GAS2: variants seen among roughly 807,000 people sequenced by gnomAD.
The protein encoded by GAS2 is growth arrest-specific protein 2.
A neutral mutation model predicts 37.5 loss-of-function variants in GAS2; 20 were observed. The ratio of observed to expected loss-of-function variants is 0.53; its 90% CI spans 0.37 to 0.77. The LOEUF (loss-of-function observed/expected upper bound fraction) is 0.77, where lower values mean the gene tolerates loss of function less well. Ranked by LOEUF, GAS2 falls within the 30% of genes least tolerant of loss-of-function variation. The pLI is 0.00. For synonymous variants in GAS2, 144 were observed against 132.2 expected, an observed-to-expected ratio of 1.09 and a Z score of -0.61; for missense variants, 336 against 373.4, an observed-to-expected ratio of 0.90 and a Z score of 0.82.
intron 3 of GAS2, among the ~76,000 whole-genome samples, chr11:22,715,204 T>C (rs1012630179): frequency 6.6e-6 from 1 of 152,064 alleles, no homozygotes; most frequent in Non-Finnish European, 1.5e-5. Flanking sequence ...GGCTTACACC[T>C]GTAATCCAGC....
intron 3 of GAS2, among the ~76,000 whole-genome samples, chr11:22,697,625 A>G (rs890737000): frequency 2.7e-4 from 41 of 152,084 alleles, no homozygotes; most frequent in African/African-American, 9.4e-4. Flanking sequence ...TTCATTGAGC[A>G]GTGGTTTGTA....
At chr11:22,738,338 A>G (rs1231850175) in intron 5 of GAS2, among the ~76,000 whole-genome samples, 1 of 152,198 alleles carries the variant, frequency 6.6e-6, no homozygotes, top group Non-Finnish European at 1.5e-5. Flanking sequence ...GGAAGGAAAA[A>G]CAAGAATTAA....
At chr11:22,688,008 C>A (rs750820140) in intron 3 of GAS2, among the ~76,000 whole-genome samples, 1 of 152,154 alleles carries the variant, frequency 6.6e-6, no homozygotes, top group Non-Finnish European at 1.5e-5. Flanking sequence ...TGTTTATAAG[C>A]CTTTGCTTTT....
intron 3 of GAS2, among the ~76,000 whole-genome samples, chr11:22,718,698 A>G (rs528691795): frequency 1.3e-5 from 2 of 152,054 alleles, no homozygotes; most frequent in African/African-American, 2.4e-5. Context: ...AAATCTTTCT[A>G]TTACTCCTCA....
chr11:22,791,039 A>G (rs1231586859), intron 7 of GAS2, among the ~76,000 whole-genome samples: 1 of 152,214 alleles, frequency 6.6e-6, no homozygotes, highest in African/African-American at 2.4e-5. Flanking sequence ...AATAGCTGCT[A>G]TCAGAGATCA....
At chr11:22,642,561 A>G (rs1271483358) in intron 1 of GAS2, among the ~76,000 whole-genome samples, 2 of 152,172 alleles carry the variant, frequency 1.3e-5, no homozygotes, top group African/African-American at 4.8e-5. Flanking sequence ...TAAGAAAATT[A>G]TAGAATGTAA....
At chr11:22,627,692 T>A (rs1241370293) in intron 1 of GAS2, among the ~76,000 whole-genome samples, 1 of 151,600 alleles carries the variant, frequency 6.6e-6, no homozygotes, top group Non-Finnish European at 1.5e-5. Context: ...GGAGAATAGC[T>A]TGAACCCGGG....
chr11:22,768,946 T>C (rs2134414816), intron 7 of GAS2, among the ~76,000 whole-genome samples: 1 of 152,342 alleles, frequency 6.6e-6, no homozygotes, highest in East Asian at 1.9e-4. Context: ...CATTAATTTG[T>C]CATCATCTAC....
intron 7 of GAS2, among the ~76,000 whole-genome samples, chr11:22,810,059 C>CA (rs919676833): frequency 3.2e-4 from 48 of 152,196 alleles, no homozygotes; most frequent in African/African-American, 1.1e-3. Context: ...CTGCTCACTG[C>CA]ATAGAACGCC....
intron 3 of GAS2, among the ~76,000 whole-genome samples, chr11:22,690,920 C>A (rs1850217425): frequency 6.6e-6 from 1 of 152,122 alleles, no homozygotes; most frequent in Non-Finnish European, 1.5e-5. Flanking sequence ...GCAAAAGACT[C>A]TCTCAACCAC....
intron 2 of GAS2, among the ~76,000 whole-genome samples, chr11:22,676,664 GTTA>G (rs1407682837): frequency 5.3e-5 from 8 of 151,934 alleles, no homozygotes; most frequent in Admixed American, 5.3e-4. Context: ...CTATATTGTT[GTTA>G]TTATTATTCT....
intron 7 of GAS2, among the ~76,000 whole-genome samples, chr11:22,805,386 C>T (rs919529352): frequency 6.6e-6 from 1 of 152,048 alleles, no homozygotes; most frequent in African/African-American, 2.4e-5. Context: ...TTAACATCCA[C>T]TCTTTTTGCA....
At chr11:22,674,222 T>A (rs1283439321) in intron 1 of GAS2, among the ~76,000 whole-genome samples, 21 of 152,224 alleles carry the variant, frequency 1.4e-4, no homozygotes, top group South Asian at 1.2e-3. Context: ...TTTATTTTTT[T>A]TTTTTATTTT....
chr11:22,808,613 TGGTGGTTCTTTCTG>T (rs1857002954), intron 7 of GAS2, among the ~76,000 whole-genome samples: 1 of 152,232 alleles, frequency 6.6e-6, no homozygotes. Context: ...CTGTTGTGAC[TGGTGGTTCTTTCTG>T]GTTGAAATGG....
At chr11:22,761,274 G>A (rs767577979) in intron 7 of GAS2, among the ~76,000 whole-genome samples, 2 of 152,104 alleles carry the variant, frequency 1.3e-5, no homozygotes, top group Non-Finnish European at 2.9e-5. Context: ...TTTTTAGTGA[G>A]AGGAAAATAA....
intron 1 of GAS2, among the ~76,000 whole-genome samples, chr11:22,641,184 G>T (rs913463328): frequency 3.6e-5 from 5 of 138,240 alleles, no homozygotes; most frequent in African/African-American, 1.3e-4. Flanking sequence ...AAGGTTCCAG[G>T]ATTCTGGTTC....
chr11:22,718,951 A>G (rs1404275487), intron 3 of GAS2, among the ~76,000 whole-genome samples: 1 of 152,108 alleles, frequency 6.6e-6, no homozygotes, highest in Non-Finnish European at 1.5e-5. Flanking sequence ...CAAACTTCCT[A>G]TACTTTCCCC....
intron 7 of GAS2, among the ~76,000 whole-genome samples, chr11:22,807,458 T>C (rs2134682168): frequency 6.6e-6 from 1 of 152,344 alleles, no homozygotes; most frequent in East Asian, 1.9e-4. Flanking sequence ...AACATGTTTT[T>C]AAAATGTAGC....
At chr11:22,691,374 G>GA (rs2133972492) in intron 3 of GAS2, among the ~76,000 whole-genome samples, 1 of 152,200 alleles carries the variant, frequency 6.6e-6, no homozygotes, top group Admixed American at 6.5e-5. Flanking sequence ...TTTCTTCTCA[G>GA]AAAAATCAAT....
Sources: allele counts gnomAD v4.1 joint callset (sites outside exome capture counted in the v4.1 genomes callset), GRCh38; gene constraint gnomAD v4.1.1; transcripts MANE v1.5; gene names NCBI Gene and HGNC (gene_info 2026-07-23, HGNC 2026-07-21).